AUTS2: variants seen among roughly 807,000 people sequenced by gnomAD.
The protein encoded by AUTS2 is autism susceptibility gene 2 protein.
AUTS2 carries 17 observed loss-of-function variants against 112.4 expected under a neutral mutation model. The observed-to-expected ratio is 0.15, with a 90% CI of 0.10 to 0.23. The LOEUF (loss-of-function observed/expected upper bound fraction) is 0.23. Among genes scored for constraint, AUTS2 ranks in the 10% least tolerant of loss-of-function variants. AUTS2 has a pLI of 1.00. For missense variants in AUTS2, 1,510 were observed against 1,701.6 expected (o/e 0.89, Z 1.98); for synonymous variants, 751 against 702.7 (o/e 1.07, Z -1.09).
At chr7:69,603,127 C>T (rs952283270) in intron 1 of AUTS2, among the ~76,000 whole-genome samples, 1 of 152,182 alleles carries the variant, frequency 6.6e-6, no homozygotes, top group Non-Finnish European at 1.5e-5. Context: ...AATCAGTTGT[C>T]ACCACATGTC....
intron 4 of AUTS2, among the ~76,000 whole-genome samples, chr7:70,349,419 T>C (rs946045378): frequency 1.3e-5 from 2 of 152,232 alleles, no homozygotes; most frequent in African/African-American, 4.8e-5. Flanking sequence ...CTGGATTTGA[T>C]TAAAGTGAAA....
At chr7:69,854,533 C>G (rs567661697) in intron 1 of AUTS2, among the ~76,000 whole-genome samples, 1 of 151,844 alleles carries the variant, frequency 6.6e-6, no homozygotes, top group African/African-American at 2.4e-5. Context: ...TTGCTAGTTT[C>G]TTTTAGTGCC....
chr7:70,308,996 T>C (rs541381294), intron 4 of AUTS2, among the ~76,000 whole-genome samples: 1 of 152,192 alleles, frequency 6.6e-6, no homozygotes, highest in Non-Finnish European at 1.5e-5. Context: ...GAGCAGCATG[T>C]TAATTACCAC....
intron 1 of AUTS2, among the ~76,000 whole-genome samples, chr7:69,746,986 G>A (rs943467489): frequency 1.4e-4 from 22 of 152,168 alleles, no homozygotes; most frequent in African/African-American, 5.1e-4. Context: ...GGCATTGTTG[G>A]CATTTTTGTG....
intron 5 of AUTS2, among the ~76,000 whole-genome samples, chr7:70,585,060 G>C (rs985949312): frequency 6.6e-6 from 1 of 152,182 alleles, no homozygotes; most frequent in Non-Finnish European, 1.5e-5. Context: ...ATCTAATTCA[G>C]CACTATTTCA....
chr7:70,782,984 C>G (rs1791190423), intron 15 of AUTS2: 1 of 152,064 alleles, frequency 6.6e-6, no homozygotes. Context: ...TACCATGGCA[C>G]CTAGGCTCTG....
intron 4 of AUTS2, among the ~76,000 whole-genome samples, chr7:70,416,642 C>T (rs1023238989): frequency 2.0e-5 from 3 of 152,226 alleles, no homozygotes; most frequent in African/African-American, 7.2e-5. Flanking sequence ...TGAACCTGTC[C>T]GGCAACCCAC....
intron 1 of AUTS2, among the ~76,000 whole-genome samples, chr7:69,664,081 A>G (rs1248510850): frequency 6.6e-6 from 1 of 152,186 alleles, no homozygotes; most frequent in Non-Finnish European, 1.5e-5. Flanking sequence ...GTGGTTCCGG[A>G]CTCAGTCTGT....
intron 2 of AUTS2, among the ~76,000 whole-genome samples, chr7:70,076,040 ATAACT>A (rs1200121642): frequency 4.6e-5 from 7 of 152,364 alleles, no homozygotes; most frequent in African/African-American, 9.6e-5. Flanking sequence ...TTCTAATAAA[ATAACT>A]TAATTTATAA....
chr7:70,764,709 C>CT, intron 7 of AUTS2, 43 bp from the exon 8 acceptor site: 1 of 716,400 alleles, frequency 1.4e-6, no homozygotes, highest in South Asian at 1.5e-5. Context: ...CATTGCTTAC[C>CT]TTTTTTTATT....
At position 70,428,082 on chromosome 7, in the gene AUTS2, G is replaced by A. The variant is rs537413980; in HGVS notation, c.661-7670G>A. Among the ~76,000 whole-genome samples, 120 of 152,272 alleles carry A rather than the reference G, an allele frequency of 7.9e-4. 1 individual carries two copies. The Middle Eastern group carries it at 0.027, about 35-fold the overall frequency. ...TCTGAGCTATTTTATTTGATCAGGC[G>A]TAGTTACTGTTAAGATAGAGGGGAA... On this transcript the variant is annotated intron_variant, in intron 4 of 18. Coordinates refer to ENST00000342771, the MANE Select transcript of AUTS2 (RefSeq NM_015570.4).
At chr7:70,377,372 A>ATG (rs1793155832) in intron 4 of AUTS2, among the ~76,000 whole-genome samples, 1 of 115,196 alleles carries the variant, frequency 8.7e-6, no homozygotes, top group African/African-American at 3.2e-5. Flanking sequence ...ATATATATAT[A>ATG]TAGTGATATA....
intron 5 of AUTS2, among the ~76,000 whole-genome samples, chr7:70,626,586 G>C (rs1339947601): frequency 6.6e-6 from 1 of 152,026 alleles, no homozygotes; most frequent in Non-Finnish European, 1.5e-5. Flanking sequence ...TTGTGATGCT[G>C]AGGTTTGGAG....
At chr7:70,144,850 A>G (rs1009356524) in intron 4 of AUTS2, among the ~76,000 whole-genome samples, 2 of 152,118 alleles carry the variant, frequency 1.3e-5, no homozygotes, top group African/African-American at 4.8e-5. Context: ...CTGTTTTCAT[A>G]TGTGATACTG....
intron 1 of AUTS2, among the ~76,000 whole-genome samples, chr7:69,676,604 GTC>G: frequency 6.6e-6 from 1 of 152,192 alleles, no homozygotes; most frequent in Non-Finnish European, 1.5e-5. Flanking sequence ...ACTTAAGTAA[GTC>G]TGACAATTTA....
chr7:69,771,102 C>T (rs1201340201), intron 1 of AUTS2, among the ~76,000 whole-genome samples: 1 of 152,182 alleles, frequency 6.6e-6, no homozygotes, highest in Non-Finnish European at 1.5e-5. Context: ...GAATGAGTAG[C>T]CCTGTTATTC....
intron 6 of AUTS2, among the ~76,000 whole-genome samples, chr7:70,729,943 C>T (rs879332784): frequency 6.6e-6 from 1 of 152,074 alleles, no homozygotes; most frequent in Non-Finnish European, 1.5e-5. Flanking sequence ...AGTGCAATGG[C>T]GCAATCTCGG....
Position 70,397,658 on chromosome 7 carries a change from TACACACAC to T in AUTS2, c.661-38078_661-38071del, listed in dbSNP as rs145934747. Among the ~76,000 whole-genome samples, 26 of 149,548 alleles carry T rather than the reference TACACACAC, an allele frequency of 1.7e-4. No individual in the cohort carries two copies. The East Asian group carries it at 3.7e-3, about 21-fold the overall frequency. ...ATGTATACAACTCCTTACATGTATG[TACACACAC>T]ACACACACACACACATTCTGCAAAG... On this transcript the variant is annotated intron_variant, in intron 4 of 18. Transcript: ENST00000342771.
chr7:70,728,782 T>C (rs7807160), intron 6 of AUTS2, among the ~76,000 whole-genome samples: 30,242 of 151,102 alleles, frequency 0.2, 3,009 homozygotes, highest in East Asian at 0.24. Flanking sequence ...ATTTTCCCAA[T>C]TGGTGATTCT....
Sources: allele counts gnomAD v4.1 joint callset (sites outside exome capture counted in the v4.1 genomes callset), GRCh38; gene constraint gnomAD v4.1.1; transcripts MANE v1.5; gene names NCBI Gene and HGNC (gene_info 2026-07-23, HGNC 2026-07-21).